LRRTM4: variants seen among roughly 807,000 people sequenced by gnomAD.
The protein encoded by LRRTM4 is leucine-rich repeat transmembrane neuronal protein 4.
A neutral mutation model predicts 47.6 loss-of-function variants in LRRTM4; 25 were observed. The observed-to-expected ratio is 0.53, with a 90% confidence interval of 0.38 to 0.73. The LOEUF (loss-of-function observed/expected upper bound fraction) is 0.73. Ranked by LOEUF, LRRTM4 falls within the 30% of genes least tolerant of loss-of-function variation. The pLI is 0.00. For missense variants in LRRTM4, 638 were observed against 713.4 expected, an observed-to-expected ratio of 0.89 and a Z score of 1.20; for synonymous variants, 311 against 269.5, an observed-to-expected ratio of 1.15 and a Z score of -1.51.
At chr2:77,272,677 G>A (rs1280240227) in intron 3 of LRRTM4, among the ~76,000 whole-genome samples, 7 of 152,078 alleles carry the variant, frequency 4.6e-5, no homozygotes, top group Non-Finnish European at 2.9e-5. Context: ...ATTGGGGCAG[G>A]TCCTTCATGA....
intron 3 of LRRTM4, among the ~76,000 whole-genome samples, chr2:77,073,264 AAAT>A (rs1037518933): frequency 2.6e-4 from 40 of 152,268 alleles, no homozygotes; most frequent in African/African-American, 8.4e-4. Flanking sequence ...TAACATTTTA[AAAT>A]ATTACTTTAG....
intron 3 of LRRTM4, among the ~76,000 whole-genome samples, chr2:76,809,372 T>A (rs373346704): frequency 2.6e-5 from 4 of 152,162 alleles, no homozygotes; most frequent in African/African-American, 7.2e-5. Context: ...CCCTCCCCAG[T>A]GTTCCCTTAT....
intron 3 of LRRTM4, among the ~76,000 whole-genome samples, chr2:76,890,506 T>C (rs1413669417): frequency 2.6e-5 from 4 of 152,130 alleles, no homozygotes; most frequent in African/African-American, 9.6e-5. Flanking sequence ...TTAATGTTCA[T>C]ATTGTCTCAG....
intron 3 of LRRTM4, among the ~76,000 whole-genome samples, chr2:77,133,034 A>C (rs759481392): frequency 1.3e-5 from 2 of 152,188 alleles, no homozygotes; most frequent in Non-Finnish European, 2.9e-5. Context: ...TCTATTTCCC[A>C]GTAAATATCT....
intron 3 of LRRTM4, among the ~76,000 whole-genome samples, chr2:77,268,150 G>A (rs1015432117): frequency 6.6e-6 from 1 of 151,850 alleles, no homozygotes; most frequent in Non-Finnish European, 1.5e-5. Context: ...TCTGTGTTTG[G>A]CATATATTTT....
chr2:77,484,187 G>A (rs1238224558), intron 3 of LRRTM4, among the ~76,000 whole-genome samples: 1 of 152,220 alleles, frequency 6.6e-6, no homozygotes, highest in Admixed American at 6.5e-5. Flanking sequence ...GTATGTTTGA[G>A]ACAGGAAGTC....
chr2:76,972,566 C>T (rs528604079), intron 3 of LRRTM4, among the ~76,000 whole-genome samples: 41 of 151,664 alleles, frequency 2.7e-4, no homozygotes, highest in Admixed American at 9.2e-4. Flanking sequence ...TACAGTTGTG[C>T]GCCACCACAC....
intron 3 of LRRTM4, among the ~76,000 whole-genome samples, chr2:76,839,597 G>T (rs990156296): frequency 2.6e-5 from 4 of 151,862 alleles, no homozygotes; most frequent in Non-Finnish European, 5.9e-5. Context: ...TATCATTCTT[G>T]TATGCTGGAG....
chr2:77,187,860 T>A (rs1027218998), intron 3 of LRRTM4, among the ~76,000 whole-genome samples: 4 of 152,054 alleles, frequency 2.6e-5, no homozygotes, highest in African/African-American at 9.7e-5. Flanking sequence ...ATCATTTTAT[T>A]TTTTCTTATG....
chr2:76,800,927 G>A (rs1675638455), intron 3 of LRRTM4, among the ~76,000 whole-genome samples: 1 of 151,196 alleles, frequency 6.6e-6, no homozygotes, highest in South Asian at 2.1e-4. Context: ...CATCATCACT[G>A]GCCATCAGAG....
chr2:77,320,499 T>A (rs993601240), intron 3 of LRRTM4, among the ~76,000 whole-genome samples: 1 of 152,218 alleles, frequency 6.6e-6, no homozygotes. Context: ...TGCCTAGTGT[T>A]ATTTGCCTAC....
At chr2:77,238,841 A>C (rs139886809) in intron 3 of LRRTM4, among the ~76,000 whole-genome samples, 63 of 152,086 alleles carry the variant, frequency 4.1e-4, no homozygotes, top group African/African-American at 1.2e-3. Flanking sequence ...AAACCAGGGT[A>C]CTATATTCAG....
chr2:77,046,988 G>A (rs1679256980), intron 3 of LRRTM4, among the ~76,000 whole-genome samples: 1 of 152,020 alleles, frequency 6.6e-6, no homozygotes, highest in African/African-American at 2.4e-5. Flanking sequence ...CTCTCTCGGA[G>A]CAAATGTCCA....
chr2:77,228,021 G>T (rs1674861334), intron 3 of LRRTM4, among the ~76,000 whole-genome samples: 1 of 151,808 alleles, frequency 6.6e-6, no homozygotes, highest in African/African-American at 2.4e-5. Flanking sequence ...AATACAAAGG[G>T]AATGAGATAT....
intron 3 of LRRTM4, among the ~76,000 whole-genome samples, chr2:76,991,281 G>T (rs1309746219): frequency 6.6e-6 from 1 of 151,500 alleles, no homozygotes; most frequent in Non-Finnish European, 1.5e-5. Context: ...CAGAAGAAAA[G>T]AAATAACTAC....
chr2:77,212,458 T>TC (rs1491457701), intron 3 of LRRTM4, among the ~76,000 whole-genome samples: 2 of 128,464 alleles, frequency 1.6e-5, no homozygotes, highest in Non-Finnish European at 3.3e-5. Context: ...GTGGAATAAT[T>TC]ATATATATAT....
At chr2:77,280,607 T>C (rs1481552937) in intron 3 of LRRTM4, among the ~76,000 whole-genome samples, 1 of 152,014 alleles carries the variant, frequency 6.6e-6, no homozygotes, top group East Asian at 1.9e-4. Flanking sequence ...TTAAACTTAC[T>C]GGGTTTGCAG....
At chr2:77,447,766 A>G (rs948499598) in intron 3 of LRRTM4, among the ~76,000 whole-genome samples, 3 of 152,114 alleles carry the variant, frequency 2.0e-5, no homozygotes, top group Admixed American at 6.6e-5. Flanking sequence ...GTATTGCACA[A>G]TTATGCAGAG....
chr2:76,857,410 G>T (rs551403612), intron 3 of LRRTM4, among the ~76,000 whole-genome samples: 5 of 151,152 alleles, frequency 3.3e-5, no homozygotes, highest in Non-Finnish European at 7.4e-5. Flanking sequence ...AGATACAAAT[G>T]TGTGTTATTT....
Sources: allele counts gnomAD v4.1 joint callset (sites outside exome capture counted in the v4.1 genomes callset), GRCh38; gene constraint gnomAD v4.1.1; transcripts MANE v1.5; gene names NCBI Gene and HGNC (gene_info 2026-07-23, HGNC 2026-07-21).